Variants in NUTM2E observed in about 807,000 individuals in gnomAD.
NUTM2E encodes the protein family with sequence similarity 22, member E.
A neutral mutation model predicts 26.1 loss-of-function variants in NUTM2E; 3 were observed. The ratio of observed to expected loss-of-function variants is 0.12; its 90% CI spans 0.05 to 0.30. NUTM2E has a LOEUF of 0.30. NUTM2E is among the 10% of genes least tolerant of loss of function. NUTM2E has a pLI of 1.00. For missense variants in NUTM2E, 62 were observed against 381.3 expected (o/e 0.16, Z 6.97); for synonymous variants, 13 against 157.5 (o/e 0.08, Z 6.87).
At chr10:79,833,569 A>G (rs1190175023) in intron 1 of NUTM2E, among the ~76,000 whole-genome samples, 1 of 151,826 alleles carries the variant, frequency 6.6e-6, no homozygotes, top group Admixed American at 6.6e-5. Context: ...GACACTTTTC[A>G]AAAGAAGGCA....
chr10:79,831,714 T>C (rs1841927924), intron 1 of NUTM2E, among the ~76,000 whole-genome samples: 1 of 151,856 alleles, frequency 6.6e-6, no homozygotes, highest in Non-Finnish European at 1.5e-5. Flanking sequence ...AGTATTGTTA[T>C]CATCCTTATT....
intron 1 of NUTM2E, among the ~76,000 whole-genome samples, chr10:79,829,657 C>T (rs1490995843): frequency 1.3e-5 from 2 of 151,802 alleles, no homozygotes; most frequent in African/African-American, 4.8e-5. Flanking sequence ...AGCAGATAGT[C>T]CAATAGGAAA....
chr10:79,827,138 T>C lies in NUTM2E; in HGVS notation c.-2947T>C, dbSNP rs1468064231. The C allele has an allele frequency of 6.5e-6, 1 of 152,770 alleles. No homozygotes were observed. The highest frequency in any genetic ancestry group is 1.5e-5 in the Non-Finnish European group (1 of 67,876). 9.5% of individuals were successfully genotyped at this position (152,770 alleles called of 1,614,324 possible). A position where few individuals can be genotyped will look rare whatever the true frequency, so the allele number is the denominator to read the frequency against. ...CCCCTCGCCCCTGGCCGGGCCAGCC[T>C]CTTGATGCACCGGGGACGGGCGCGC... On this transcript the variant is annotated 5_prime_UTR_variant, in exon 1 of 10. Transcript: ENST00000429984.
chr10:79,827,795 GT>G (rs57414762), intron 1 of NUTM2E, among the ~76,000 whole-genome samples: 20,546 of 127,058 alleles, frequency 0.16, 1,284 homozygotes, highest in African/African-American at 0.22. Flanking sequence ...TTTTTTTTTT[GT>G]TTTTTTTTTT....
intron 1 of NUTM2E, among the ~76,000 whole-genome samples, chr10:79,829,619 C>T (rs1841913941): frequency 6.6e-6 from 1 of 151,882 alleles, no homozygotes; most frequent in Non-Finnish European, 1.5e-5. Flanking sequence ...CCCTCAGTGA[C>T]TTACGGTATT....
rs1000630059 is a variant in NUTM2E at position 79,839,115 on chromosome 10, G to A, written c.-2114G>A. 9.9e-5 allele frequency among the ~76,000 whole-genome samples: 15 copies of A among 151,520 alleles called. No homozygotes were observed. The highest frequency in any genetic ancestry group is 1.9e-4 in the Non-Finnish European group (13 of 67,846). On this transcript the variant is annotated splice_region_variant and 5_prime_UTR_variant, in exon 3 of 10. Transcript: ENST00000429984. Reference sequence around the variant, plus strand: ...TCCGCAACGATCACTCCTAATTTTCGGTAATACAAACCTGCAGTCCATGCA... The same window carrying A: ...TCCGCAACGATCACTCCTAATTTTCAGTAATACAAACCTGCAGTCCATGCA...
In NUTM2E at chr10:79,850,041, T is replaced by C; in HGVS notation, c.2072T>C (p.Met691Thr). The change falls in exon 10 of 10, where the codon ATG becomes ACG. Residue 691 changes from methionine (M) to threonine (T), a missense_variant. Physicochemically the swap from Met to Thr is moderately conservative, Grantham distance 81. Coordinates refer to ENST00000429984, the MANE Select transcript of NUTM2E (RefSeq NM_001355263.2). ...SQGRGRAHTG[M>T]ARSEDSVVLL... ...GGACGAGGCAGAGCACACACTGGCA[T>C]GGCCAGGTCCGAAGACTCTGTTGTG... 2 of 1,123,668 alleles carry C rather than the reference T, an allele frequency of 1.8e-6. No homozygotes were observed. The highest frequency in any genetic ancestry group is 2.6e-5 in the South Asian group (2 of 77,218). The allele number at this position is 1,123,668 out of a possible 1,614,324, so 69.6% of individuals were successfully genotyped here.
chr10:79,830,442 ATAGT>A (rs1841920471), intron 1 of NUTM2E, among the ~76,000 whole-genome samples: 1 of 151,810 alleles, frequency 6.6e-6, no homozygotes, highest in Non-Finnish European at 1.5e-5. Context: ...GGAAGAGAGG[ATAGT>A]TCTGTAAAAA....
Position 79,830,998 on chromosome 10 carries a change from T to C in NUTM2E, c.-2728+3641T>C, listed in dbSNP as rs185181854. Among the ~76,000 whole-genome samples the C allele has an allele frequency of 3.3e-5, 5 of 151,986 alleles. No individual in the cohort carries two copies. The East Asian group carries it at 9.7e-4, about 29-fold the overall frequency. The stretch of plus-strand genomic sequence containing the variant: ...CCACGTAGGCATCTCAGTGTTTCAC[T>C]CTTGCTATGAGACAGCCATAGATCT... On this transcript the variant is annotated intron_variant, in intron 1 of 9. Transcript: ENST00000429984.
rs1404344985 is a variant in NUTM2E at position 79,849,464 on chromosome 10, G to A, written c.1828G>A (p.Glu610Lys). ...GGCCCTAAGCCAGGACCTGGAGCAG[G>A]AGGAAGGACTCACCCTTGCCCAGGT... Reference protein sequence around the residue: ...FLALSQDLEQEEGLTLAQLVE... With the variant: ...FLALSQDLEQKEGLTLAQLVE... Residue 610 changes from glutamate to lysine, a missense_variant, in exon 9 of 10, where the codon GAG (glutamate) becomes AAG (lysine). Transcript: ENST00000429984. 1 of 571,928 alleles carries A rather than the reference G, an allele frequency of 1.7e-6. No homozygotes were observed. Among genetic ancestry groups the A allele is most frequent in the African/African-American group, 3.5e-5 (1 of 28,694 alleles). The allele number at this position is 571,928 out of a possible 1,614,324, so 35.4% of individuals were successfully genotyped here.
At chr10:79,835,594 A>G (rs1361262388) in intron 1 of NUTM2E, among the ~76,000 whole-genome samples, 1 of 98,612 alleles carries the variant, frequency 1.0e-5, no homozygotes, top group Non-Finnish European at 2.2e-5. Context: ...ACAATGTGAT[A>G]TGAATATGAA....
intron 1 of NUTM2E, among the ~76,000 whole-genome samples, chr10:79,832,592 T>G (rs528445713): frequency 2.1e-3 from 318 of 151,862 alleles, no homozygotes; most frequent in African/African-American, 6.9e-3. Context: ...CTGATTTTTA[T>G]ACATATAACC....
intron 3 of NUTM2E, among the ~76,000 whole-genome samples, 68 bp downstream of exon 3, chr10:79,839,183 T>TA (rs1303361152): frequency 1.3e-5 from 2 of 151,418 alleles, no homozygotes; most frequent in Non-Finnish European, 3.0e-5. Context: ...TTGGAGGGTT[T>TA]ATCCTAAAGC....
chr10:79,832,617 A>G (rs180970941), intron 1 of NUTM2E, among the ~76,000 whole-genome samples: 16 of 151,902 alleles, frequency 1.1e-4, no homozygotes, highest in African/African-American at 2.9e-4. Context: ...AATAAAGTAT[A>G]TGGGGGCCAC....
intron 1 of NUTM2E, among the ~76,000 whole-genome samples, chr10:79,834,683 C>G (rs1413042732): frequency 6.9e-6 from 1 of 145,704 alleles, no homozygotes; most frequent in Admixed American, 6.9e-5. Context: ...AAAAAAAAAT[C>G]AAAATAAAAT....
chr10:79,848,954 C>T, intron 8 of NUTM2E, 59 bp downstream of exon 8: 1 of 609,292 alleles, frequency 1.6e-6, no homozygotes, highest in Non-Finnish European at 2.6e-6. Context: ...CTCCCAGGTC[C>T]TTGGAATTAA....
At position 79,830,926 on chromosome 10, in the gene NUTM2E, G is replaced by A. The variant is rs1267995913; in HGVS notation, c.-2728+3569G>A. ...TTTCATTTATTGCCATAATTTAGCT[G>A]TTGTTTTTCACAGTCAGCTTGCCTT... On this transcript the variant is annotated intron_variant, in intron 1 of 9. Transcript: ENST00000429984. 2.0e-5 allele frequency among the ~76,000 whole-genome samples: 3 copies of A among 151,682 alleles called. No individual in the cohort carries two copies. In the East Asian group the frequency reaches 5.8e-4, roughly 29 times the overall value.
chr10:79,836,207 A>T (rs1841962725), intron 1 of NUTM2E, among the ~76,000 whole-genome samples: 1 of 151,868 alleles, frequency 6.6e-6, no homozygotes, highest in Non-Finnish European at 1.5e-5. Context: ...CTTTAAAAAA[A>T]ATCAGACCAT....
At chr10:79,828,053 C>T in intron 1 of NUTM2E, among the ~76,000 whole-genome samples, 1 of 151,386 alleles carries the variant, frequency 6.6e-6, no homozygotes, top group Non-Finnish European at 1.5e-5. Context: ...CCTCGGCCTC[C>T]CAAAGTGCTG....
Sources: allele counts gnomAD v4.1 joint callset (sites outside exome capture counted in the v4.1 genomes callset), GRCh38; gene constraint gnomAD v4.1.1; transcripts MANE v1.5; gene names NCBI Gene and HGNC (gene_info 2026-07-23, HGNC 2026-07-21).